Variants in PTPRD observed in about 807,000 individuals in gnomAD.
PTPRD encodes receptor-type tyrosine-protein phosphatase delta.
In PTPRD, 34 loss-of-function variants were observed where a neutral mutation model predicts 214.5. The ratio of observed to expected loss-of-function variants is 0.16; its 90% CI spans 0.12 to 0.21. PTPRD has a LOEUF of 0.21. Among genes scored for constraint, PTPRD ranks in the 10% least tolerant of loss-of-function variants. The probability of loss-of-function intolerance (pLI) is 1.00; values close to 1 mark genes in which losing one functional copy is unlikely to be tolerated. For synonymous variants in PTPRD, 1,128 were observed against 845.7 expected (o/e 1.33, Z -5.79); for missense variants, 2,545 against 2,398.7 (o/e 1.06, Z -1.27).
chr9:10,601,454 T>C (rs1006492012), intron 2 of PTPRD, among the ~76,000 whole-genome samples: 3 of 151,798 alleles, frequency 2.0e-5, no homozygotes, highest in Non-Finnish European at 4.4e-5. Context: ...AAATTTTGCT[T>C]ATTTTAGCTA....
At chr9:9,935,479 G>C (rs1465238348) in intron 5 of PTPRD, among the ~76,000 whole-genome samples, 4 of 152,050 alleles carry the variant, frequency 2.6e-5, no homozygotes, top group Non-Finnish European at 4.4e-5. Context: ...ATTCACAATT[G>C]CTTCAAAGAG....
At chr9:9,805,145 C>G (rs1308065848) in intron 5 of PTPRD, among the ~76,000 whole-genome samples, 1 of 152,090 alleles carries the variant, frequency 6.6e-6, no homozygotes, top group Non-Finnish European at 1.5e-5. Flanking sequence ...TGGGGCCAGG[C>G]TTACCCAAAT....
At chr9:9,642,433 C>T (rs2095998499) in intron 7 of PTPRD, among the ~76,000 whole-genome samples, 1 of 152,098 alleles carries the variant, frequency 6.6e-6, no homozygotes, top group South Asian at 2.1e-4. Flanking sequence ...ATAAGTTAAT[C>T]ACTTATGTCT....
intron 14 of PTPRD, among the ~76,000 whole-genome samples, chr9:8,584,904 G>C (rs533450374): frequency 6.6e-6 from 1 of 152,300 alleles, no homozygotes; most frequent in Admixed American, 6.5e-5. Context: ...AGAAGAATGA[G>C]CAAAGGGCGG....
chr9:9,153,616 T>A (rs1012098272), intron 10 of PTPRD, among the ~76,000 whole-genome samples: 2 of 152,232 alleles, frequency 1.3e-5, no homozygotes, highest in African/African-American at 4.8e-5. Flanking sequence ...TAACTATACA[T>A]TTAAAGATGT....
intron 10 of PTPRD, among the ~76,000 whole-genome samples, chr9:9,053,256 C>A (rs567571924): frequency 6.6e-6 from 1 of 152,018 alleles, no homozygotes; most frequent in South Asian, 2.1e-4. Flanking sequence ...GCTCAGAGTC[C>A]AAGTTTAGTT....
In PTPRD at chr9:10,159,825, A is replaced by T. The variant is rs190884917; in HGVS notation, c.-544-126035T>A. On this transcript the variant is annotated intron_variant, in intron 3 of 45. Coordinates refer to ENST00000381196, the MANE Select transcript of PTPRD (RefSeq NM_002839.4). ...ATACACAGCTAGAGGGAAAAAAAAG[A>T]TTGAAAATTAAGGAAAGTAAGCTAC... Among the ~76,000 whole-genome samples the T allele has an allele frequency of 2.2e-3, 340 of 152,164 alleles. 2 individuals are homozygous for T. Among genetic ancestry groups the T allele is most frequent in the Non-Finnish European group, 4.0e-3 (272 of 67,960 alleles).
At chr9:8,963,599 A>C (rs186524826) in intron 11 of PTPRD, among the ~76,000 whole-genome samples, 298 of 152,172 alleles carry the variant, frequency 2.0e-3, no homozygotes, top group African/African-American at 6.9e-3. Flanking sequence ...TGCATCCCAG[A>C]AATAAAGCCT....
At chr9:9,946,919 T>G (rs1183559858) in intron 4 of PTPRD, among the ~76,000 whole-genome samples, 1 of 152,052 alleles carries the variant, frequency 6.6e-6, no homozygotes, top group African/African-American at 2.4e-5. Context: ...CACATTATCA[T>G]TTTTACAATG....
chr9:8,926,224 A>C (rs1415266600), intron 11 of PTPRD, among the ~76,000 whole-genome samples: 1 of 151,966 alleles, frequency 6.6e-6, no homozygotes, highest in Non-Finnish European at 1.5e-5. Context: ...CTCAGCTTCT[A>C]CTTATCCTTC....
chr9:9,824,717 G>C (rs1451976534), intron 5 of PTPRD, among the ~76,000 whole-genome samples: 2 of 151,888 alleles, frequency 1.3e-5, no homozygotes, highest in Admixed American at 1.3e-4. Flanking sequence ...AAATTAAACA[G>C]GTAATAACTT....
intron 39 of PTPRD, among the ~76,000 whole-genome samples, chr9:8,370,073 T>C (rs1361418919): frequency 2.0e-5 from 3 of 151,968 alleles, no homozygotes; most frequent in East Asian, 1.9e-4. Flanking sequence ...TAAGACGATA[T>C]AGGAAAATGT....
chr9:10,179,764 G>C (rs1166913657), intron 3 of PTPRD, among the ~76,000 whole-genome samples: 2 of 151,962 alleles, frequency 1.3e-5, no homozygotes, highest in East Asian at 3.9e-4. Context: ...AACTTGCCCA[G>C]GGTTAGTATT....
At chr9:9,648,536 A>T (rs1050139742) in intron 7 of PTPRD, among the ~76,000 whole-genome samples, 3 of 152,222 alleles carry the variant, frequency 2.0e-5, no homozygotes, top group African/African-American at 7.2e-5. Flanking sequence ...GGAGAGGAGA[A>T]ATTTCAATTA....
rs1166530719 is a variant in PTPRD at position 8,439,935 on chromosome 9, A to ATTTTTTTTTTTTTTTTTTTT, written c.3989-3266_3989-3247dup. The stretch of plus-strand genomic sequence containing the variant: ...CATTTAAATTACTTGATGTGCTTTA[A>ATTTTTTTTTTTTTTTTTTTT]TTTTTTTTTTTTTTTTTTTTTTTTT... On this transcript the variant is annotated intron_variant, in intron 34 of 45. Transcript: ENST00000381196. Among the ~76,000 whole-genome samples, 28 of 73,320 alleles carry ATTTTTTTTTTTTTTTTTTTT rather than the reference A, an allele frequency of 3.8e-4. 1 individual carries two copies. The highest frequency in any genetic ancestry group is 1.3e-3 in the South Asian group (2 of 1,586). The allele number at this position is 73,320 out of a possible 152,430, so 48.1% of individuals were successfully genotyped here.
intron 10 of PTPRD, among the ~76,000 whole-genome samples, chr9:9,024,229 GA>G (rs1382422505): frequency 1.3e-5 from 2 of 151,436 alleles, no homozygotes; most frequent in East Asian, 3.9e-4. Context: ...TAAATAATGT[GA>G]ATGTTTTCCT....
At chr9:9,287,907 C>G (rs985328175) in intron 9 of PTPRD, among the ~76,000 whole-genome samples, 3 of 151,658 alleles carry the variant, frequency 2.0e-5, no homozygotes, top group Non-Finnish European at 4.4e-5. Context: ...TTCTCAGATG[C>G]CTTTGAAAGC....
chr9:8,438,070 A>T (rs1398632345), intron 34 of PTPRD, among the ~76,000 whole-genome samples: 1 of 152,204 alleles, frequency 6.6e-6, no homozygotes, highest in African/African-American at 2.4e-5. Context: ...GGAGGAGCTC[A>T]AACTGGAAGC....
chr9:9,902,155 T>A (rs1414863197), intron 5 of PTPRD, among the ~76,000 whole-genome samples: 1 of 152,184 alleles, frequency 6.6e-6, no homozygotes, highest in Non-Finnish European at 1.5e-5. Flanking sequence ...ATCAGCCTTA[T>A]TGTTGATTCT....
Sources: gnomAD v4.1 joint callset for allele counts (sites outside exome capture counted in the v4.1 genomes callset) on GRCh38, gnomAD v4.1.1 for gene constraint, MANE v1.5 for transcripts, NCBI Gene and HGNC (gene_info 2026-07-23, HGNC 2026-07-21) for gene names.